The following LYST variants were observed in gnomAD, a reference collection of about 807,000 sequenced individuals.
The protein encoded by LYST is lysosomal-trafficking regulator.
A neutral mutation model predicts 413.6 loss-of-function variants in LYST; 192 were observed. That is an observed-to-expected ratio of 0.46 (90% CI 0.41 to 0.52). The LOEUF is 0.52. LYST is among the 20% of genes least tolerant of loss of function. The pLI is 0.00. For missense variants in LYST, 3,815 were observed against 4,499.9 expected, an observed-to-expected ratio of 0.85 and a Z score of 4.35; for synonymous variants, 1,525 against 1,567.3, an observed-to-expected ratio of 0.97 and a Z score of 0.64.
chr1:235,708,919 T>C (rs1210350283), intron 44 of LYST, among the ~76,000 whole-genome samples, 172 bp downstream of exon 44: 2 of 152,210 alleles, frequency 1.3e-5, no homozygotes, highest in Non-Finnish European at 2.9e-5. Context: ...GATAGTATCT[T>C]GTTTTTAAAG....
Position 235,780,817 on chromosome 1 carries a change from C to T in LYST, c.5214+48G>A, listed in dbSNP as rs752965371. The T allele has an allele frequency of 2.2e-5, 16 of 738,906 alleles. No homozygotes were observed. In the South Asian group the frequency reaches 3.5e-4, roughly 16 times the overall value. 45.8% of individuals were successfully genotyped at this position (738,906 alleles called of 1,614,324 possible). A position where few individuals can be genotyped will look rare whatever the true frequency, so the allele number is the denominator to read the frequency against. On this transcript the variant is annotated intron_variant, in intron 16 of 52. Transcript: ENST00000389793. Reference sequence around the variant, plus strand: ...ATAACTATACATTACAATAAATATACCTAAATACATTTACTATAAAATTAA... The same window carrying T: ...ATAACTATACATTACAATAAATATATCTAAATACATTTACTATAAAATTAA...
At chr1:235,682,300 G>A (rs1255306975) in intron 48 of LYST, among the ~76,000 whole-genome samples, 4 of 152,192 alleles carry the variant, frequency 2.6e-5, no homozygotes, top group Non-Finnish European at 5.9e-5. Flanking sequence ...ACTCCAGCAT[G>A]GGCAAAAGGG....
At chr1:235,875,091 C>T (rs555227861) in intron 1 of LYST, among the ~76,000 whole-genome samples, 107 of 152,220 alleles carry the variant, frequency 7.0e-4, no homozygotes, top group African/African-American at 2.5e-3. Flanking sequence ...TTTGTTCCCT[C>T]CATTCCTAGA....
Position 235,664,872 on chromosome 1 carries a change from C to G in LYST, c.11039-251G>C, listed in dbSNP as rs1449430182. 2.0e-5 allele frequency among the ~76,000 whole-genome samples: 3 copies of G among 152,218 alleles called. No homozygotes were observed. The highest frequency in any genetic ancestry group is 7.2e-5 in the African/African-American group (3 of 41,458). On this transcript the variant is annotated intron_variant, in intron 50 of 52. Transcript: ENST00000389793. This position sits in a 1 kb window ranked among gnomAD's most constrained non-coding sequence, Gnocchi z 4.5. ...AGTGCAGTGGTGTGATCTTGGCTCACTGTAACTGCCTCCTGAATTCAAGAG... is the reference window on the plus strand; with the variant it reads ...AGTGCAGTGGTGTGATCTTGGCTCAGTGTAACTGCCTCCTGAATTCAAGAG...
chr1:235,712,067 A>T lies in LYST; in HGVS notation c.9915T>A (p.Val3305=). ...AATTTATTGCTATACCTTCACGGTT[A>T]ACTAGGAACTCTGGAAGATAGAAAA... ...PEFFYLPEFL[V]NREGFDFGVR... Residue 3305 remains valine (V), a synonymous_variant, in exon 43 of 53, where the codon GTT becomes GTA. Coordinates refer to ENST00000389793, the MANE Select transcript of LYST (RefSeq NM_000081.4). 6.5e-7 allele frequency: 1 copy of T among 1,540,016 alleles called. No homozygotes were observed. Among genetic ancestry groups the T allele is most frequent in the Non-Finnish European group, 8.8e-7 (1 of 1,138,454 alleles).
chr1:235,800,383 T>G lies in LYST; in HGVS notation c.3943A>C (p.Thr1315Pro), dbSNP rs1470941414. The G allele has an allele frequency of 7.1e-6, 11 of 1,551,156 alleles. No individual in the cohort carries two copies. The highest frequency in any genetic ancestry group is 9.8e-6 in the Non-Finnish European group (11 of 1,122,950). ...KNVFLLMQQG[T>P]VKNLLGGFLS... ...AACCCTCCTAAAAGATTTTTCACAG[T>G]TCCCTGAAGATTAAAAAAAATACAA... Residue 1315 changes from threonine (T) to proline (P), a missense_variant, in exon 10 of 53, where the codon ACT becomes CCT. By Grantham distance (38) the Thr-to-Pro change is conservative. Transcript: ENST00000389793.
chr1:235,805,938 C>T lies in LYST; in HGVS notation c.3198G>A (p.Glu1066=). 1 of 1,613,844 alleles carries T rather than the reference C, an allele frequency of 6.2e-7. No individual in the cohort carries two copies. The highest frequency in any genetic ancestry group is 8.5e-7 in the Non-Finnish European group (1 of 1,179,862). Residue 1066 remains glutamate (E), a synonymous_variant, in exon 6 of 53, where the codon GAG becomes GAA. Transcript: ENST00000389793. Reference sequence around the variant, plus strand: ...CATTTATGGAAGAAATATGCTGTAACTCTAATTTACCTAAACTGTCAGCAC... The same window carrying T: ...CATTTATGGAAGAAATATGCTGTAATTCTAATTTACCTAAACTGTCAGCAC... ...KKSADSLGKL[E]LQHISSINVE... is the part of the protein sequence containing the mutation.
At chr1:235,788,907 G>A in intron 12 of LYST, 62 bp from the exon 13 acceptor site, 1 of 1,461,782 alleles carries the variant, frequency 6.8e-7, no homozygotes, top group Admixed American at 1.7e-5. Flanking sequence ...GTAGAAAAGT[G>A]AATTTAGAAG....
chr1:235,773,890 C>G lies in LYST; in HGVS notation c.5736G>C (p.Lys1912Asn). 6.2e-7 allele frequency: 1 copy of G among 1,611,282 alleles called. No homozygotes were observed. Among genetic ancestry groups the G allele is most frequent in the East Asian group, 2.2e-5 (1 of 44,752 alleles). Residue 1912 changes from lysine (K) to asparagine (N), a missense_variant, in exon 19 of 53, where the codon AAG becomes AAC. By Grantham distance (94) the Lys-to-Asn change is moderately conservative. Transcript: ENST00000389793. Reference protein sequence around the residue: ...VDSNAIIQDVKLLEELLLDWK... With the variant: ...VDSNAIIQDVNLLEELLLDWK... Reference sequence around the variant, plus strand: ...AGTCAAGCAATAGTTCCTCTAACAGCTTAACATCTTGGATTATAGCATTAG... The same window carrying G: ...AGTCAAGCAATAGTTCCTCTAACAGGTTAACATCTTGGATTATAGCATTAG...
At chr1:235,675,047 A>C (rs1466552927) in intron 50 of LYST, among the ~76,000 whole-genome samples, 1 of 152,330 alleles carries the variant, frequency 6.6e-6, no homozygotes, top group East Asian at 1.9e-4. Context: ...ACTCTTAAAC[A>C]ACCAAAAGGA....
chr1:235,858,880 A>T (rs1295222871), intron 1 of LYST, among the ~76,000 whole-genome samples: 4 of 152,180 alleles, frequency 2.6e-5, no homozygotes, highest in Admixed American at 2.6e-4. Context: ...GAGTGGGAGC[A>T]GGCAGGCTGC....
At chr1:235,853,768 C>T (rs934654319) in intron 1 of LYST, among the ~76,000 whole-genome samples, 2 of 152,116 alleles carry the variant, frequency 1.3e-5, no homozygotes, top group South Asian at 4.1e-4. Context: ...ATAAAGGAAA[C>T]TCAGGCATAG....
Position 235,711,073 on chromosome 1 carries a change from T to C in LYST, c.9925+984A>G, listed in dbSNP as rs531757899. On this transcript the variant is annotated intron_variant, in intron 43 of 52. Transcript: ENST00000389793. ...TTCTGAACTTCTGACCAATTTCTTA[T>C]TTCTGACCAATAAAAAATAATTTTA... Among the ~76,000 whole-genome samples the C allele has an allele frequency of 3.5e-4, 54 of 152,316 alleles. 3 individuals are homozygous for C. The highest frequency in any genetic ancestry group is 1.3e-3 in the African/African-American group (54 of 41,572).
At chr1:235,847,692 G>C (rs1369353646) in intron 1 of LYST, among the ~76,000 whole-genome samples, 3 of 152,100 alleles carry the variant, frequency 2.0e-5, no homozygotes, top group Non-Finnish European at 4.4e-5. Context: ...ACGGTAAAGG[G>C]GTGGGAAAAG....
chr1:235,778,741 A>G (rs1558231885), intron 16 of LYST, among the ~76,000 whole-genome samples: 1 of 151,874 alleles, frequency 6.6e-6, no homozygotes, highest in African/African-American at 2.4e-5. Context: ...GTATCTGTGC[A>G]CCAGCTAAAC....
intron 44 of LYST, 67 bp downstream of exon 44, chr1:235,709,024 C>A: frequency 1.4e-6 from 2 of 1,424,450 alleles, no homozygotes; most frequent in Non-Finnish European, 2.0e-6. Context: ...AATGGCCGAA[C>A]AACTAACCTT....
upstream of LYST, chr1:235,866,934 C>A (rs1680624888): frequency 1.3e-5 from 2 of 153,600 alleles, no homozygotes; most frequent in Non-Finnish European, 2.9e-5. Flanking sequence ...GCACTCCCCA[C>A]CCCCGCCCGC....
At chr1:235,783,681 G>C (rs1670107724) in intron 14 of LYST, among the ~76,000 whole-genome samples, 1 of 152,032 alleles carries the variant, frequency 6.6e-6, no homozygotes, top group Admixed American at 6.6e-5. Context: ...ATAAAATAGT[G>C]TTTTTAAGGG....
chr1:235,875,093 A>G (rs968078396), intron 1 of LYST, among the ~76,000 whole-genome samples: 2 of 152,134 alleles, frequency 1.3e-5, no homozygotes, highest in Non-Finnish European at 2.9e-5. Context: ...TGTTCCCTCC[A>G]TTCCTAGAAT....
Sources: allele counts gnomAD v4.1 joint callset (sites outside exome capture counted in the v4.1 genomes callset), GRCh38; gene constraint gnomAD v4.1.1; non-coding constraint Gnocchi (gnomAD v3.1); transcripts MANE v1.5; gene names NCBI Gene and HGNC (gene_info 2026-07-23, HGNC 2026-07-21).